GRIN2B: variants seen among roughly 807,000 people sequenced by gnomAD.
GRIN2B encodes the protein glutamate ionotropic receptor NMDA type subunit 2B, also known as glutamate receptor ionotropic, NMDA 2B.
Under a neutral mutation model 114.5 loss-of-function variants are expected in GRIN2B, and 5 were observed. That is an observed-to-expected ratio of 0.04 (90% CI 0.02 to 0.09). The LOEUF is 0.09. Ranked by LOEUF, GRIN2B falls within the 10% of genes least tolerant of loss-of-function variation. GRIN2B has a pLI of 1.00. For synonymous variants in GRIN2B, 787 were observed against 745.1 expected, an observed-to-expected ratio of 1.06 and a Z score of -0.92; for missense variants, 1,108 against 1,943.5, an observed-to-expected ratio of 0.57 and a Z score of 8.08.
At chr12:13,746,016 G>A (rs1313774581) in intron 4 of GRIN2B, among the ~76,000 whole-genome samples, 2 of 151,742 alleles carry the variant, frequency 1.3e-5, no homozygotes, top group East Asian at 3.8e-4. Context: ...TCTGCTGGGA[G>A]GAGGGAGACA....
At chr12:13,643,340 T>C (rs1266748349) in intron 5 of GRIN2B, among the ~76,000 whole-genome samples, 1 of 152,204 alleles carries the variant, frequency 6.6e-6, no homozygotes, top group Non-Finnish European at 1.5e-5. Context: ...ATTTATACTA[T>C]ACTGTAGTCT....
Position 13,779,246 on chromosome 12 carries a change from G to T in GRIN2B, c.412-25331C>A, listed in dbSNP as rs146737916. ...TTTAGTAGAGACGGAGTTTCACCAC[G>T]TTGTCCAGGCTGGTCTTGAACTCCT... On this transcript the variant is annotated intron_variant, in intron 3 of 13. Transcript: ENST00000609686. Among the ~76,000 whole-genome samples, 930 of 152,190 alleles carry T rather than the reference G, an allele frequency of 6.1e-3. 10 individuals are homozygous for T. Among genetic ancestry groups the T allele is most frequent in the African/African-American group, 0.022 (901 of 41,532 alleles).
chr12:13,691,343 G>C (rs1950213730), intron 4 of GRIN2B, among the ~76,000 whole-genome samples: 1 of 151,798 alleles, frequency 6.6e-6, no homozygotes, highest in Non-Finnish European at 1.5e-5. Context: ...GAAATTTCTT[G>C]TTTGTAGATA....
At chr12:13,828,773 C>G (rs1865097926) in intron 3 of GRIN2B, among the ~76,000 whole-genome samples, 1 of 152,122 alleles carries the variant, frequency 6.6e-6, no homozygotes, top group African/African-American at 2.4e-5. Context: ...TTGCCACACT[C>G]CCTCATGGCT....
At chr12:13,835,004 T>C (rs1209277249) in intron 3 of GRIN2B, among the ~76,000 whole-genome samples, 4 of 152,338 alleles carry the variant, frequency 2.6e-5, no homozygotes, top group East Asian at 1.9e-4. Flanking sequence ...CCTTCTCTAA[T>C]TGGCCTTCAT....
chr12:13,844,265 TCTC>T (rs1308672585), intron 3 of GRIN2B, among the ~76,000 whole-genome samples: 10 of 152,222 alleles, frequency 6.6e-5, no homozygotes, highest in African/African-American at 1.9e-4. Flanking sequence ...GTTTAATCCT[TCTC>T]CTTATTTTAA....
rs1280700618 is a variant in GRIN2B, at chr12:13,807,921, GA to G, written c.412-54007del. Among the ~76,000 whole-genome samples the G allele has an allele frequency of 8.5e-5, 13 of 152,128 alleles. No individual in the cohort carries two copies. In the East Asian group the frequency reaches 2.3e-3, roughly 27 times the overall value. ...CTGAAGGGAAGTTTAAGCAGCAGTA[GA>G]AAGATAATCCATAATCTGTTATGCT... On this transcript the variant is annotated intron_variant, in intron 3 of 13. Coordinates refer to ENST00000609686, the MANE Select transcript of GRIN2B (RefSeq NM_000834.5).
chr12:13,833,599 A>C (rs1227524305), intron 3 of GRIN2B, among the ~76,000 whole-genome samples: 1 of 152,180 alleles, frequency 6.6e-6, no homozygotes, highest in Non-Finnish European at 1.5e-5. Flanking sequence ...CTCTGACCTA[A>C]AACGAGGCTG....
intron 4 of GRIN2B, among the ~76,000 whole-genome samples, chr12:13,709,130 C>T (rs1214863014): frequency 1.3e-5 from 2 of 151,972 alleles, no homozygotes; most frequent in Non-Finnish European, 2.9e-5. Context: ...TCATGGCACA[C>T]CTATCTGAGG....
chr12:13,815,952 T>G (rs527302687), intron 3 of GRIN2B, among the ~76,000 whole-genome samples: 2 of 151,910 alleles, frequency 1.3e-5, no homozygotes, highest in African/African-American at 4.9e-5. Context: ...ACCAAATACA[T>G]GCACATGTGC....
chr12:13,784,330 G>A (rs536136298), intron 3 of GRIN2B, among the ~76,000 whole-genome samples: 1 of 150,218 alleles, frequency 6.7e-6, no homozygotes, highest in African/African-American at 2.4e-5. Context: ...CTGAAGTCAG[G>A]AACAACCTAG....
chr12:13,853,792 T>G lies in GRIN2B; in HGVS notation c.411+12006A>C, dbSNP rs562559210. Among the ~76,000 whole-genome samples the G allele has an allele frequency of 7.8e-4, 119 of 152,328 alleles. 3 individuals carry two copies. The highest frequency in any genetic ancestry group is 2.0e-3 in the Admixed American group (30 of 15,290). ...AGATTAACCTATCAGCCATTTTCAT[T>G]TGGGTTTAAAATACTTTTCTCTTAA... On this transcript the variant is annotated intron_variant, in intron 3 of 13. Coordinates refer to ENST00000609686, the MANE Select transcript of GRIN2B (RefSeq NM_000834.5).
At chr12:13,644,933 G>C (rs979105491) in intron 5 of GRIN2B, among the ~76,000 whole-genome samples, 1 of 152,102 alleles carries the variant, frequency 6.6e-6, no homozygotes, top group Admixed American at 6.6e-5. Flanking sequence ...TGGCTGATTT[G>C]ATCTTCTATC....
Position 13,753,422 on chromosome 12 carries a change from G to A in GRIN2B, c.905C>T (p.Thr302Ile). The change falls in exon 4 of 14, where the codon ACT becomes ATT. Residue 302 changes from threonine (T) to isoleucine (I), a missense_variant. By Grantham distance (89) the Thr-to-Ile change is moderately conservative. Transcript: ENST00000609686. The surrounding 1 kb of genome is among the most constrained non-coding windows in gnomAD (Gnocchi z 6.2). The part of the protein sequence containing the change: ...RVRDGIAIIT[T>I]AASDMLSEHS... Reference sequence around the variant, plus strand: ...CTCAGACAGCATGTCAGAAGCAGCAGTGGTGATTATGGCAATTCCATCTCT... The same window carrying A: ...CTCAGACAGCATGTCAGAAGCAGCAATGGTGATTATGGCAATTCCATCTCT... The A allele has an allele frequency of 6.2e-7, 1 of 1,613,974 alleles. No individual in the cohort carries two copies. The highest frequency in any genetic ancestry group is 8.5e-7 in the Non-Finnish European group (1 of 1,179,802).
chr12:13,747,594 T>C (rs1478096722), intron 4 of GRIN2B, among the ~76,000 whole-genome samples: 1 of 152,250 alleles, frequency 6.6e-6, no homozygotes, highest in African/African-American at 2.4e-5. Context: ...TTTTTGTGCA[T>C]ATACATAAAA....
intron 4 of GRIN2B, among the ~76,000 whole-genome samples, chr12:13,751,257 AAGG>A (rs1863479564): frequency 2.6e-5 from 4 of 152,300 alleles, no homozygotes; most frequent in Admixed American, 2.0e-4. Flanking sequence ...AAACCATATT[AAGG>A]AGAATGGACC....
chr12:13,827,277 G>T (rs1176970718), intron 3 of GRIN2B, among the ~76,000 whole-genome samples: 1 of 81,040 alleles, frequency 1.2e-5, no homozygotes, highest in Non-Finnish European at 2.5e-5. Flanking sequence ...TCTTAAATCT[G>T]TTGATTTATA....
rs151107158 is a variant in GRIN2B at position 13,829,099 on chromosome 12, T to C, written c.411+36699A>G. ...AGAAGAGGCCATCACATAGGGGGCA[T>C]CCTCTTGTCATTTAACCTCGGTTCA... On this transcript the variant is annotated intron_variant, in intron 3 of 13. Transcript: ENST00000609686. Among the ~76,000 whole-genome samples, 569 of 152,310 alleles carry C rather than the reference T, an allele frequency of 3.7e-3. 4 individuals carry two copies. The highest frequency in any genetic ancestry group is 0.013 in the African/African-American group (541 of 41,572).
intron 2 of GRIN2B, among the ~76,000 whole-genome samples, chr12:13,945,225 C>A (rs554231838): frequency 2.6e-5 from 4 of 152,274 alleles, no homozygotes; most frequent in Non-Finnish European, 5.9e-5. Flanking sequence ...AACTAAGCAC[C>A]TGCTACTCTT....
Sources: gnomAD v4.1 joint callset for allele counts (sites outside exome capture counted in the v4.1 genomes callset) on GRCh38, gnomAD v4.1.1 for gene constraint, Gnocchi (gnomAD v3.1) non-coding constraint, MANE v1.5 for transcripts, NCBI Gene and HGNC (gene_info 2026-07-23, HGNC 2026-07-21) for gene names.